The following ADCY8 variants were observed in gnomAD, a reference collection of about 807,000 sequenced individuals.
ADCY8 encodes adenylate cyclase type 8.
In ADCY8, 51 loss-of-function variants were observed where a neutral mutation model predicts 119.7. That is an observed-to-expected ratio of 0.43 (90% confidence interval 0.34 to 0.54). ADCY8 has a LOEUF of 0.54. Among genes scored for constraint, ADCY8 ranks in the 20% least tolerant of loss-of-function variants. The probability of loss-of-function intolerance (pLI) is 0.03; values close to 1 mark genes in which losing one functional copy is unlikely to be tolerated. For missense variants in ADCY8, 1,383 were observed against 1,598.8 expected, an observed-to-expected ratio of 0.87 and a Z score of 2.30; for synonymous variants, 665 against 651.0, an observed-to-expected ratio of 1.02 and a Z score of -0.33.
chr8:131,017,150 AC>A (rs1443789011), intron 1 of ADCY8, among the ~76,000 whole-genome samples: 1 of 151,814 alleles, frequency 6.6e-6, no homozygotes, highest in East Asian at 1.9e-4. Context: ...GTTCACTGCA[AC>A]CTTTGCATCC....
At chr8:130,938,241 T>A (rs530900408) in intron 4 of ADCY8, among the ~76,000 whole-genome samples, 1 of 152,242 alleles carries the variant, frequency 6.6e-6, no homozygotes, top group African/African-American at 2.4e-5. Flanking sequence ...ATAGGGCCTG[T>A]CCCCTTGTGC....
intron 1 of ADCY8, among the ~76,000 whole-genome samples, chr8:131,014,636 G>C (rs1823412851): frequency 6.6e-6 from 1 of 152,146 alleles, no homozygotes; most frequent in Non-Finnish European, 1.5e-5. Flanking sequence ...TAGCCTAGTA[G>C]TTCAAAGATC....
chr8:130,784,090 T>G (rs1815174469), intron 16 of ADCY8, among the ~76,000 whole-genome samples: 1 of 152,142 alleles, frequency 6.6e-6, no homozygotes. Context: ...GTAGTGTATG[T>G]TCACTGGCAT....
Position 130,822,106 on chromosome 8 carries a change from T to C in ADCY8, c.2676-686A>G, listed in dbSNP as rs958082333. On this transcript the variant is annotated intron_variant, in intron 12 of 17. Coordinates refer to ENST00000286355, the MANE Select transcript of ADCY8 (RefSeq NM_001115.3). Reference sequence around the variant, plus strand: ...CATGTTGTCTTTGTCCTTGAAACATTAAGTAAGAGAAATAAATACACAGAT... The same window carrying C: ...CATGTTGTCTTTGTCCTTGAAACATCAAGTAAGAGAAATAAATACACAGAT... Among the ~76,000 whole-genome samples, 12 of 152,266 alleles carry C rather than the reference T, an allele frequency of 7.9e-5. No homozygotes were observed. The East Asian group carries it at 1.7e-3, about 22-fold the overall frequency.
Position 130,849,866 on chromosome 8 carries a change from A to C in ADCY8, c.2211-63T>G, listed in dbSNP as rs994795253. The C allele has an allele frequency of 4.1e-6, 6 of 1,459,046 alleles. No homozygotes were observed. The Admixed American group carries it at 9.4e-5, about 23-fold the overall frequency. The allele number at this position is 1,459,046 out of a possible 1,614,324, so 90.4% of individuals were successfully genotyped here. On this transcript the variant is annotated intron_variant, in intron 9 of 17. Transcript: ENST00000286355. ...ATTGTCTGAGCAACACTGAAATTCT[A>C]TTCCTGGTCTTCCTTTCCCATCCCT...
At chr8:131,009,286 T>A (rs1207307459) in intron 1 of ADCY8, among the ~76,000 whole-genome samples, 1 of 152,190 alleles carries the variant, frequency 6.6e-6, no homozygotes, top group Non-Finnish European at 1.5e-5. Flanking sequence ...CTGTGCAGCC[T>A]CAGGACTTGG....
At chr8:130,986,433 A>C (rs1234048661) in intron 2 of ADCY8, among the ~76,000 whole-genome samples, 1 of 152,252 alleles carries the variant, frequency 6.6e-6, no homozygotes, top group Non-Finnish European at 1.5e-5. Flanking sequence ...TGAATTATGT[A>C]GAGTAGCTGC....
At chr8:130,784,913 A>T (rs1029925668) in intron 16 of ADCY8, among the ~76,000 whole-genome samples, 2 of 152,206 alleles carry the variant, frequency 1.3e-5, no homozygotes, top group African/African-American at 4.8e-5. Flanking sequence ...GGAGCATGAC[A>T]TTATCTGAGA....
intron 12 of ADCY8, 100 bp downstream of exon 12, chr8:130,836,177 G>C (rs772993461): frequency 6.2e-6 from 8 of 1,295,220 alleles, no homozygotes; most frequent in Non-Finnish European, 8.5e-6. Flanking sequence ...TATCCAATCA[G>C]GCCTTAAGTT....
intron 14 of ADCY8, among the ~76,000 whole-genome samples, chr8:130,802,124 C>A (rs555609183): frequency 6.0e-4 from 92 of 152,134 alleles, no homozygotes; most frequent in African/African-American, 2.1e-3. Context: ...CTCCTCCAAT[C>A]ACAAATTCCA....
At position 130,780,931 on chromosome 8, in the gene ADCY8, G is replaced by T. The variant is rs779564743; in HGVS notation, c.3269-54C>A. On this transcript the variant is annotated intron_variant, in intron 17 of 17. Coordinates refer to ENST00000286355, the MANE Select transcript of ADCY8 (RefSeq NM_001115.3). ...TCAGAGGGAGAAGGGGGACAATGGG[G>T]TGTTTGGACCCCTCCCTGGGACAGT... 2.5e-6 allele frequency: 4 copies of T among 1,588,478 alleles called. No individual in the cohort carries two copies. In the South Asian group the frequency reaches 4.7e-5, roughly 18 times the overall value.
chr8:131,037,285 G>T (rs1824186535), intron 1 of ADCY8, among the ~76,000 whole-genome samples: 1 of 152,170 alleles, frequency 6.6e-6, no homozygotes, highest in African/African-American at 2.4e-5. Context: ...GTGGAGAATT[G>T]TTTATGATGA....
chr8:130,800,590 G>C lies in ADCY8; in HGVS notation c.2914-18C>G, dbSNP rs1815745016. On this transcript the variant is annotated intron_variant, in intron 14 of 17. Transcript: ENST00000286355. ...TACAGCTCCTGGACAGAGACACACA[G>C]AGGGCACCAGAAATGGTCATCAGAG... 6.2e-7 allele frequency: 1 copy of C among 1,613,212 alleles called. No individual in the cohort carries two copies. Among genetic ancestry groups the C allele is most frequent in the Non-Finnish European group, 8.5e-7 (1 of 1,179,250 alleles).
intron 12 of ADCY8, among the ~76,000 whole-genome samples, chr8:130,831,083 C>T (rs1328058337): frequency 1.3e-5 from 2 of 152,108 alleles, no homozygotes; most frequent in Non-Finnish European, 2.9e-5. Flanking sequence ...TGAAGTATGA[C>T]ACAAATCCAA....
In ADCY8 at chr8:131,039,355, C is replaced by T; in HGVS notation, c.960+19G>A. 6.2e-7 allele frequency: 1 copy of T among 1,607,632 alleles called. No individual in the cohort carries two copies. The highest frequency in any genetic ancestry group is 2.2e-5 in the East Asian group (1 of 44,744). On this transcript the variant is annotated intron_variant, in intron 1 of 17. Transcript: ENST00000286355. ...GGGGAAGTTAGAGGGGAAACAAATG[C>T]AAGGCAGGCAGGAGTTACCTGGTTG...
intron 5 of ADCY8, among the ~76,000 whole-genome samples, chr8:130,919,267 C>G (rs931855089): frequency 2.0e-5 from 3 of 151,846 alleles, no homozygotes; most frequent in Non-Finnish European, 2.9e-5. Flanking sequence ...GGAGTCCTGG[C>G]CAAAGATTTT....
At chr8:130,809,817 G>C (rs1325557056) in intron 14 of ADCY8, among the ~76,000 whole-genome samples, 1 of 152,248 alleles carries the variant, frequency 6.6e-6, no homozygotes, top group Non-Finnish European at 1.5e-5. Flanking sequence ...GAGAGTCTGA[G>C]CTTGCAGCAA....
At chr8:130,917,671 A>AG (rs1820170514) in intron 5 of ADCY8, among the ~76,000 whole-genome samples, 1 of 152,132 alleles carries the variant, frequency 6.6e-6, no homozygotes, top group Admixed American at 6.5e-5. Context: ...GATCCCGCTC[A>AG]GGGGAGTTCT....
chr8:130,926,803 G>T (rs1177990046), intron 5 of ADCY8, among the ~76,000 whole-genome samples: 1 of 151,966 alleles, frequency 6.6e-6, no homozygotes, highest in Non-Finnish European at 1.5e-5. Context: ...AGCTTCTATA[G>T]CTTCCACATA....
Sources: gnomAD v4.1 joint callset for allele counts (sites outside exome capture counted in the v4.1 genomes callset) on GRCh38, gnomAD v4.1.1 for gene constraint, MANE v1.5 for transcripts, NCBI Gene and HGNC (gene_info 2026-07-23, HGNC 2026-07-21) for gene names.